PDE11A: variants seen among roughly 807,000 people sequenced by gnomAD.
PDE11A encodes phosphodiesterase 11A, also known as dual 3',5'-cyclic-AMP and -GMP phosphodiesterase 11A.
A neutral mutation model predicts 100.5 loss-of-function variants in PDE11A; 100 were observed. That is an observed-to-expected ratio of 1.00 (90% CI 0.85 to 1.18). The LOEUF is 1.18. PDE11A is among the 50% of genes most tolerant of loss of function. The pLI is 0.00. For synonymous variants in PDE11A, 381 were observed against 420.8 expected (o/e 0.91, Z 1.16); for missense variants, 1,141 against 1,152.6 (o/e 0.99, Z 0.15).
intron 3 of PDE11A, among the ~76,000 whole-genome samples, chr2:177,900,595 A>C (rs996123503): frequency 6.6e-6 from 1 of 152,108 alleles, no homozygotes; most frequent in Non-Finnish European, 1.5e-5. Flanking sequence ...GTCTCTACTA[A>C]AAATACAAAA....
intron 1 of PDE11A, among the ~76,000 whole-genome samples, chr2:178,025,801 G>C (rs757616297): frequency 2.0e-5 from 3 of 152,104 alleles, no homozygotes; most frequent in Non-Finnish European, 4.4e-5. Context: ...TGAAGAAAGA[G>C]TTATGGGAAG....
At chr2:177,677,454 G>A (rs1309915717) in intron 16 of PDE11A, among the ~76,000 whole-genome samples, 1 of 152,180 alleles carries the variant, frequency 6.6e-6, no homozygotes, top group Non-Finnish European at 1.5e-5. Flanking sequence ...AGAGAAGGGA[G>A]ACAGGACAGG....
chr2:177,971,635 C>T (rs113912928), intron 2 of PDE11A, among the ~76,000 whole-genome samples: 1 of 151,970 alleles, frequency 6.6e-6, no homozygotes, highest in Non-Finnish European at 1.5e-5. Flanking sequence ...ACTGTCTAGA[C>T]AGAGAGAAGG....
intron 5 of PDE11A, among the ~76,000 whole-genome samples, chr2:177,856,579 T>A (rs1353562413): frequency 1.3e-5 from 2 of 151,874 alleles, no homozygotes; most frequent in African/African-American, 4.8e-5. Context: ...CCCAAATAAA[T>A]AATATCAATA....
At chr2:177,929,477 T>A (rs1190524970) in intron 2 of PDE11A, among the ~76,000 whole-genome samples, 1 of 152,194 alleles carries the variant, frequency 6.6e-6, no homozygotes, top group South Asian at 2.1e-4. Flanking sequence ...AACTGTATTT[T>A]AAGGGCTGCA....
intron 5 of PDE11A, among the ~76,000 whole-genome samples, chr2:177,859,924 A>T (rs1289398690): frequency 1.3e-5 from 2 of 151,948 alleles, no homozygotes; most frequent in Non-Finnish European, 2.9e-5. Context: ...AACAAAATAA[A>T]ACATACCAAA....
At chr2:177,823,807 T>A (rs1344922) in intron 6 of PDE11A, among the ~76,000 whole-genome samples, 59,852 of 152,008 alleles carry the variant, frequency 0.39, 12,949 homozygotes, top group African/African-American at 0.57. Context: ...TGTTTTGCTG[T>A]GGGAGCGACA....
At chr2:178,051,459 A>C (rs1463100344) in intron 1 of PDE11A, among the ~76,000 whole-genome samples, 1 of 152,218 alleles carries the variant, frequency 6.6e-6, no homozygotes, top group Non-Finnish European at 1.5e-5. Context: ...TAACGGGCAA[A>C]ATAACCAGCT....
At chr2:177,726,111 AC>A (rs1342365143) in intron 12 of PDE11A, among the ~76,000 whole-genome samples, 1 of 152,026 alleles carries the variant, frequency 6.6e-6, no homozygotes, top group African/African-American at 2.4e-5. Context: ...AATGGTTGTT[AC>A]TTGAGCTATT....
chr2:178,003,251 A>G (rs1016083942), intron 2 of PDE11A, among the ~76,000 whole-genome samples: 2 of 152,188 alleles, frequency 1.3e-5, no homozygotes, highest in East Asian at 1.9e-4. Flanking sequence ...TTGTAAATAA[A>G]TGTTCATAGA....
chr2:177,836,779 A>G (rs2083407892), intron 6 of PDE11A, among the ~76,000 whole-genome samples: 1 of 152,138 alleles, frequency 6.6e-6, no homozygotes, highest in South Asian at 2.1e-4. Flanking sequence ...GGACGGGAGG[A>G]ACAAACAACT....
chr2:177,744,684 C>A (rs1288909851), intron 10 of PDE11A, among the ~76,000 whole-genome samples: 2 of 152,176 alleles, frequency 1.3e-5, no homozygotes, highest in African/African-American at 4.8e-5. Flanking sequence ...TCTACATAAG[C>A]ATGCATTGCC....
chr2:177,863,596 A>C (rs2083979946), intron 5 of PDE11A, among the ~76,000 whole-genome samples: 1 of 152,070 alleles, frequency 6.6e-6, no homozygotes, highest in South Asian at 2.1e-4. Flanking sequence ...CAACATTATC[A>C]ACATCATTAA....
intron 19 of PDE11A, among the ~76,000 whole-genome samples, chr2:177,652,431 G>A (rs763648732): frequency 1.4e-4 from 22 of 152,276 alleles, no homozygotes; most frequent in Non-Finnish European, 1.9e-4. Context: ...TTAGCTTATG[G>A]CAAGAGCAGA....
At chr2:177,845,858 G>C (rs539819947) in intron 5 of PDE11A, among the ~76,000 whole-genome samples, 10 of 152,204 alleles carry the variant, frequency 6.6e-5, no homozygotes, top group African/African-American at 2.4e-4. Context: ...GCGAAACCCC[G>C]TCTCCACCAA....
At chr2:178,035,810 T>C (rs1008894183) in intron 1 of PDE11A, among the ~76,000 whole-genome samples, 2 of 152,154 alleles carry the variant, frequency 1.3e-5, no homozygotes, top group Admixed American at 1.3e-4. Context: ...AGAAAAGGCC[T>C]TCAATAAAAT....
At chr2:177,932,535 A>G (rs768506779) in intron 2 of PDE11A, among the ~76,000 whole-genome samples, 5 of 152,200 alleles carry the variant, frequency 3.3e-5, no homozygotes, top group African/African-American at 1.2e-4. Context: ...AATGTGATTC[A>G]CCACATAAAT....
chr2:178,054,797 G>C (rs1446503573), intron 1 of PDE11A, among the ~76,000 whole-genome samples: 3 of 152,170 alleles, frequency 2.0e-5, no homozygotes, highest in Non-Finnish European at 4.4e-5. Flanking sequence ...ACCACAATGA[G>C]ATACCATCTC....
intron 10 of PDE11A, among the ~76,000 whole-genome samples, chr2:177,764,624 A>T (rs896035196): frequency 6.6e-6 from 1 of 152,172 alleles, no homozygotes; most frequent in Non-Finnish European, 1.5e-5. Context: ...CTTCAAGGAG[A>T]TGTAATTGTC....
Sources: gnomAD v4.1 joint callset for allele counts (sites outside exome capture counted in the v4.1 genomes callset) on GRCh38, gnomAD v4.1.1 for gene constraint, MANE v1.5 for transcripts, NCBI Gene and HGNC (gene_info 2026-07-23, HGNC 2026-07-21) for gene names.